Variants in TLE4 observed in about 807,000 individuals in gnomAD.
TLE4 encodes the protein TLE family member 4, transcriptional corepressor, also known as transducin-like enhancer protein 4.
A neutral mutation model predicts 92.8 loss-of-function variants in TLE4; 8 were observed. The observed-to-expected ratio is 0.09, with a 90% CI of 0.05 to 0.16. The LOEUF (loss-of-function observed/expected upper bound fraction) is 0.16, where lower values mean the gene tolerates loss of function less well. Among genes scored for constraint, TLE4 ranks in the 10% least tolerant of loss-of-function variants. TLE4 has a pLI of 1.00. For missense variants in TLE4, 675 were observed against 997.6 expected (o/e 0.68, Z 4.36); for synonymous variants, 371 against 374.1 (o/e 0.99, Z 0.10).
intron 6 of TLE4, among the ~76,000 whole-genome samples, chr9:79,640,843 C>G (rs542771901): frequency 9.1e-4 from 138 of 152,222 alleles, no homozygotes; most frequent in South Asian, 6.4e-3. Flanking sequence ...AAAATACTTA[C>G]TAGTCTTTAT....
At chr9:79,683,880 A>G (rs1323977724) in intron 8 of TLE4, among the ~76,000 whole-genome samples, 1 of 152,228 alleles carries the variant, frequency 6.6e-6, no homozygotes, top group Admixed American at 6.5e-5. Flanking sequence ...ATGTACAATG[A>G]TGAAACGTGC....
chr9:79,706,630 C>G (rs947609579), intron 10 of TLE4, 117 bp from the exon 11 acceptor site: 1 of 1,310,660 alleles, frequency 7.6e-7, no homozygotes, highest in Non-Finnish European at 1.0e-6. Flanking sequence ...TCTGTTCTAG[C>G]ACATTTGTGC....
At chr9:79,581,939 G>C (rs546505671) in intron 4 of TLE4, among the ~76,000 whole-genome samples, 1 of 152,226 alleles carries the variant, frequency 6.6e-6, no homozygotes, top group African/African-American at 2.4e-5. Flanking sequence ...CTTTCACTCG[G>C]AATCTCCCAC....
intron 1 of TLE4, 39 bp downstream of exon 1, chr9:79,572,874 GGGGGATTCCC>G: frequency 6.3e-7 from 1 of 1,580,210 alleles, no homozygotes; most frequent in Non-Finnish European, 8.6e-7. Flanking sequence ...GCCGGGTGCT[GGGGGATTCCC>G]CGCGTCGCCC....
intron 4 of TLE4, among the ~76,000 whole-genome samples, chr9:79,596,649 G>A (rs2044101016): frequency 6.6e-6 from 1 of 152,150 alleles, no homozygotes; most frequent in Non-Finnish European, 1.5e-5. Context: ...AGAGCCCTAA[G>A]CTTGAATCGA....
rs748102823 is a variant in TLE4 at position 79,649,883 on chromosome 9, T to TTTGTTGTTG, written c.391-2698_391-2690dup. ...GGTATTGGGCTTTGGCTGAGGGCTT[T>TTTGTTGTTG]TTGTTGTTGTTGTTGTTGTTTTTTT... is the stretch of plus-strand genomic sequence containing the variant. On this transcript the variant is annotated intron_variant, in intron 6 of 19. Transcript: ENST00000376552. The TTTGTTGTTG allele has an allele frequency of 8.2e-6, 11 of 1,347,188 alleles. No homozygotes were observed. In the East Asian group the frequency reaches 1.4e-4, roughly 17 times the overall value. 83.5% of individuals were successfully genotyped at this position (1,347,188 alleles called of 1,614,324 possible). A position where few individuals can be genotyped will look rare whatever the true frequency, so the allele number is the denominator to read the frequency against.
intron 5 of TLE4, among the ~76,000 whole-genome samples, chr9:79,624,824 A>C (rs1210436342): frequency 6.6e-6 from 1 of 152,188 alleles, no homozygotes; most frequent in African/African-American, 2.4e-5. Context: ...CGTCTCATGG[A>C]AACTATTCTT....
chr9:79,578,237 C>T (rs142750271), intron 4 of TLE4, among the ~76,000 whole-genome samples: 175 of 152,302 alleles, frequency 1.1e-3, no homozygotes, highest in African/African-American at 4.0e-3. Flanking sequence ...AGTTGCCCTG[C>T]GGCATAATTG....
At chr9:79,660,177 CCTCT>C (rs2060329073) in intron 8 of TLE4, among the ~76,000 whole-genome samples, 2 of 152,210 alleles carry the variant, frequency 1.3e-5, no homozygotes, top group Admixed American at 6.5e-5. Context: ...CTGCAACAAT[CCTCT>C]CTACCACTGG....
At chr9:79,717,795 G>A (rs2136185061) in intron 14 of TLE4, among the ~76,000 whole-genome samples, 1 of 152,260 alleles carries the variant, frequency 6.6e-6, no homozygotes, top group African/African-American at 2.4e-5. Flanking sequence ...CCCAAGTAGA[G>A]TAGCATCTTT....
In TLE4 at chr9:79,652,666, T is replaced by C; in HGVS notation, c.464T>C (p.Leu155Pro). The C allele has an allele frequency of 1.2e-6, 2 of 1,614,166 alleles. No homozygotes were observed. Among genetic ancestry groups the C allele is most frequent in the South Asian group, 2.2e-5 (2 of 91,084 alleles). ...CCTCTGACTCCACACCCTTCAGGGC[T>C]CCAGCCCCCTGCCATTCCACCCATC... ...PVPLTPHPSG[L>P]QPPAIPPIGS... The change falls in exon 7 of 20, where the codon CTC (leucine) becomes CCC (proline). Residue 155 changes from leucine to proline, a missense_variant. This residue lies in a region of TLE4 where 280 missense variants were observed against 287.3 expected (regional missense o/e 0.97). Transcript: ENST00000376552.
At chr9:79,581,370 A>G (rs1198801859) in intron 4 of TLE4, among the ~76,000 whole-genome samples, 1 of 152,132 alleles carries the variant, frequency 6.6e-6, no homozygotes, top group Admixed American at 6.5e-5. Flanking sequence ...CAGTGTGTGT[A>G]TGTTTTAGGG....
At chr9:79,590,166 C>G (rs578046631) in intron 4 of TLE4, among the ~76,000 whole-genome samples, 1 of 152,156 alleles carries the variant, frequency 6.6e-6, no homozygotes, top group African/African-American at 2.4e-5. Flanking sequence ...TTGGTTAACC[C>G]CCCCAAAATA....
chr9:79,630,683 T>G (rs1005257199), intron 6 of TLE4, among the ~76,000 whole-genome samples: 17 of 152,206 alleles, frequency 1.1e-4, no homozygotes, highest in Admixed American at 9.2e-4. Context: ...AGTAATATGA[T>G]CTAATTAGAA....
chr9:79,646,071 C>CTA (rs200266157), intron 6 of TLE4, among the ~76,000 whole-genome samples: 18 of 150,296 alleles, frequency 1.2e-4, no homozygotes, highest in South Asian at 6.3e-4. Flanking sequence ...CTTCTAAAGC[C>CTA]TATATATATA....
At chr9:79,716,064 T>A (rs1399879611) in intron 14 of TLE4, among the ~76,000 whole-genome samples, 1 of 152,190 alleles carries the variant, frequency 6.6e-6, no homozygotes, top group African/African-American at 2.4e-5. Context: ...CACCCAGCAA[T>A]CAGAAGATCA....
At chr9:79,723,205 C>T (rs567330500) in intron 19 of TLE4, among the ~76,000 whole-genome samples, 170 bp downstream of exon 19, 2 of 152,300 alleles carry the variant, frequency 1.3e-5, no homozygotes, top group South Asian at 2.1e-4. Flanking sequence ...ACAGCAAAGC[C>T]GTGGAGCTGG....
At chr9:79,595,393 G>C (rs1444551312) in intron 4 of TLE4, among the ~76,000 whole-genome samples, 1 of 152,164 alleles carries the variant, frequency 6.6e-6, no homozygotes, top group African/African-American at 2.4e-5. Flanking sequence ...TTAACTCACT[G>C]TTTTCTTCAT....
chr9:79,697,359 C>A, intron 8 of TLE4, among the ~76,000 whole-genome samples: 1 of 152,152 alleles, frequency 6.6e-6, no homozygotes, highest in Middle Eastern at 3.2e-3. Context: ...AGAGGGATTA[C>A]TTGATTAATT....
Sources: allele counts gnomAD v4.1 joint callset (sites outside exome capture counted in the v4.1 genomes callset), GRCh38; gene constraint gnomAD v4.1.1; regional missense constraint gnomAD v4.1.1; transcripts MANE v1.5; gene names NCBI Gene and HGNC (gene_info 2026-07-23, HGNC 2026-07-21).